The following PARD3B variants were observed in gnomAD, a reference collection of about 807,000 sequenced individuals.
PARD3B encodes the protein partitioning defective 3 homolog B.
A neutral mutation model predicts 130.2 loss-of-function variants in PARD3B; 103 were observed. The observed-to-expected ratio is 0.79, with a 90% confidence interval of 0.67 to 0.93. The LOEUF (loss-of-function observed/expected upper bound fraction) is 0.93. Ranked by LOEUF, PARD3B falls within the 40% of genes least tolerant of loss-of-function variation. PARD3B has a pLI of 0.00. For synonymous variants in PARD3B, 583 were observed against 553.2 expected, an observed-to-expected ratio of 1.05 and a Z score of -0.76; for missense variants, 1,609 against 1,499.2, an observed-to-expected ratio of 1.07 and a Z score of -1.21.
At chr2:205,179,852 C>A (rs57592273) in intron 13 of PARD3B, among the ~76,000 whole-genome samples, 4,225 of 150,412 alleles carry the variant, frequency 0.028, 171 homozygotes, top group African/African-American at 0.094. Context: ...ATCCAGAAAA[C>A]AAAAAATAAG....
intron 15 of PARD3B, among the ~76,000 whole-genome samples, chr2:205,221,235 G>T (rs2038222107): frequency 6.6e-6 from 1 of 152,160 alleles, no homozygotes; most frequent in African/African-American, 2.4e-5. Flanking sequence ...CACTCTTTGT[G>T]ATTACTTGTG....
chr2:205,153,959 G>A (rs956744553), intron 10 of PARD3B, among the ~76,000 whole-genome samples: 15 of 152,206 alleles, frequency 9.9e-5, no homozygotes, highest in South Asian at 6.2e-4. Flanking sequence ...GAAAACCTAC[G>A]CAATATCATT....
intron 18 of PARD3B, among the ~76,000 whole-genome samples, chr2:205,389,130 A>C (rs1229333702): frequency 6.6e-6 from 1 of 152,162 alleles, no homozygotes; most frequent in Non-Finnish European, 1.5e-5. Context: ...CATTCAGGAT[A>C]TAAATTTTTT....
chr2:204,774,511 C>A (rs1015581832), intron 2 of PARD3B, among the ~76,000 whole-genome samples: 7 of 151,964 alleles, frequency 4.6e-5, no homozygotes, highest in Non-Finnish European at 7.4e-5. Context: ...TTATTTTAGA[C>A]CCTTCTGATT....
Position 205,121,829 on chromosome 2 carries a change from C to G in PARD3B, c.1045C>G (p.Gln349Glu), listed in dbSNP as rs1404352522. Residue 349 changes from glutamine to glutamate, a missense_variant, in exon 8 of 23, where the codon CAA becomes GAA. Transcript: ENST00000406610. This position sits in a 1 kb window ranked among gnomAD's most constrained non-coding sequence, Gnocchi z 5.0. ...AACAGATGCATCAGCTTCCCTGCAA[C>G]AAAACAAGAGTCCCCGAGTACCAAG... ...PETDASASLQ[Q>E]NKSPRVPRLG... is the part of the protein sequence containing the mutation. 2.5e-6 allele frequency: 4 copies of G among 1,614,010 alleles called. No individual in the cohort carries two copies. In the Admixed American group the frequency reaches 5.0e-5, roughly 20 times the overall value.
intron 3 of PARD3B, among the ~76,000 whole-genome samples, chr2:205,032,402 G>A (rs1476988033): frequency 3.9e-5 from 6 of 152,102 alleles, no homozygotes; most frequent in Admixed American, 3.3e-4. Context: ...AACAGAGTGC[G>A]ACTTCTTCCT....
intron 15 of PARD3B, among the ~76,000 whole-genome samples, chr2:205,211,191 G>C (rs982236413): frequency 6.6e-6 from 1 of 152,094 alleles, no homozygotes; most frequent in Non-Finnish European, 1.5e-5. Context: ...ACATACAGCA[G>C]TGCTGGCTGC....
intron 21 of PARD3B, among the ~76,000 whole-genome samples, chr2:205,549,386 A>C (rs539680503): frequency 4.6e-5 from 7 of 152,314 alleles, no homozygotes; most frequent in African/African-American, 1.7e-4. Context: ...GAGGCAACTA[A>C]GATGTATTTT....
In PARD3B at chr2:205,568,747, G is replaced by A. The variant is rs923271580; in HGVS notation, c.3260+15344G>A. ...AGGGATTCGTCAGATGGCCCTGGTCGTGTGTCTTCCATGGTCTCCACAGTC... is the reference window on the plus strand; with the variant it reads ...AGGGATTCGTCAGATGGCCCTGGTCATGTGTCTTCCATGGTCTCCACAGTC... On this transcript the variant is annotated intron_variant, in intron 22 of 22. Transcript: ENST00000406610. This position sits in a 1 kb window ranked among gnomAD's most constrained non-coding sequence, Gnocchi z 5.3. Among the ~76,000 whole-genome samples the A allele has an allele frequency of 7.2e-5, 11 of 152,156 alleles. No homozygotes were observed. Among genetic ancestry groups the A allele is most frequent in the African/African-American group, 2.2e-4 (9 of 41,418 alleles).
chr2:205,524,545 C>T (rs2051248214), intron 21 of PARD3B, among the ~76,000 whole-genome samples: 1 of 152,190 alleles, frequency 6.6e-6, no homozygotes, highest in Admixed American at 6.5e-5. Context: ...CCGTCTCGTC[C>T]TCTATTGCCT....
At chr2:204,701,295 A>G (rs924708849) in intron 2 of PARD3B, among the ~76,000 whole-genome samples, 1 of 152,146 alleles carries the variant, frequency 6.6e-6, no homozygotes, top group Non-Finnish European at 1.5e-5. Context: ...TTCAGTGTAA[A>G]AATCCTGGGA....
rs1226149616 is a variant in PARD3B at position 204,623,385 on chromosome 2, C to G, written c.121-62796C>G. 3.9e-5 allele frequency among the ~76,000 whole-genome samples: 6 copies of G among 152,096 alleles called. No individual in the cohort carries two copies. The highest frequency in any genetic ancestry group is 8.8e-5 in the Non-Finnish European group (6 of 67,990). Reference sequence around the variant, plus strand: ...AGATAAGGAACTATTCTACCATATTCTACCATCACAAAAACCTCCCTCGTG... The same window carrying G: ...AGATAAGGAACTATTCTACCATATTGTACCATCACAAAAACCTCCCTCGTG... On this transcript the variant is annotated intron_variant, in intron 1 of 22. Coordinates refer to ENST00000406610, the MANE Select transcript of PARD3B (RefSeq NM_001302769.2). This position sits in a 1 kb window ranked among gnomAD's most constrained non-coding sequence, Gnocchi z 4.5.
intron 2 of PARD3B, among the ~76,000 whole-genome samples, chr2:204,842,161 C>T (rs944112142): frequency 2.6e-5 from 4 of 152,018 alleles, no homozygotes; most frequent in African/African-American, 7.3e-5. Context: ...TGTGTGTGAA[C>T]ATGTGCTTGT....
Position 204,546,077 on chromosome 2 carries a change from C to T in PARD3B, c.78C>T (p.Leu26=), listed in dbSNP as rs2029907681. The change falls in exon 1 of 23, where the codon CTC becomes CTT. Residue 26 remains leucine, a synonymous_variant. Coordinates refer to ENST00000406610, the MANE Select transcript of PARD3B (RefSeq NM_001302769.2). ...AGGGCCAGCTGCGCGTCGGCGAGCT[C>T]ACCCAGCAGGCGCTGCAGCGGTACC... ...CKEGQLRVGE[L]TQQALQRYLK... The T allele has an allele frequency of 1.3e-6, 2 of 1,559,168 alleles. No individual in the cohort carries two copies. The highest frequency in any genetic ancestry group is 1.7e-6 in the Non-Finnish European group (2 of 1,151,360).
intron 1 of PARD3B, among the ~76,000 whole-genome samples, chr2:204,667,243 A>G (rs939772216): frequency 8.5e-5 from 13 of 152,184 alleles, no homozygotes; most frequent in Non-Finnish European, 1.6e-4. Flanking sequence ...TCCCTTGTTC[A>G]TTACTGTAAC....
intron 3 of PARD3B, among the ~76,000 whole-genome samples, chr2:205,002,866 C>G (rs1031534180): frequency 5.9e-4 from 90 of 152,320 alleles, no homozygotes; most frequent in African/African-American, 2.0e-3. Context: ...AATTTATTGT[C>G]TTACATTTCT....
intron 1 of PARD3B, among the ~76,000 whole-genome samples, chr2:204,663,482 A>G (rs1447249772): frequency 6.6e-6 from 1 of 152,256 alleles, no homozygotes; most frequent in Non-Finnish European, 1.5e-5. Flanking sequence ...GATTTTTACC[A>G]GATAAAGGAA....
intron 2 of PARD3B, among the ~76,000 whole-genome samples, chr2:204,703,374 A>C (rs2037985434): frequency 6.6e-6 from 1 of 152,246 alleles, no homozygotes; most frequent in Admixed American, 6.5e-5. Context: ...AAAGATAAAT[A>C]AGATGCTTCT....
chr2:204,614,694 A>G (rs2125120391), intron 1 of PARD3B, among the ~76,000 whole-genome samples: 1 of 152,198 alleles, frequency 6.6e-6, no homozygotes, highest in East Asian at 1.9e-4. Context: ...GTTTAGTACC[A>G]TCCTCTTGGT....
Sources: gnomAD v4.1 joint callset for allele counts (sites outside exome capture counted in the v4.1 genomes callset) on GRCh38, gnomAD v4.1.1 for gene constraint, Gnocchi (gnomAD v3.1) non-coding constraint, MANE v1.5 for transcripts, NCBI Gene and HGNC (gene_info 2026-07-23, HGNC 2026-07-21) for gene names.